Variants in MIR2052HG observed in about 807,000 individuals in gnomAD.
MIR2052HG encodes the protein MIR2052 host gene.
At chr8:74,737,864 T>A (rs933378175) in intron 4 of MIR2052HG, among the ~76,000 whole-genome samples, 8 of 152,204 alleles carry the variant, frequency 5.3e-5, no homozygotes, top group African/African-American at 1.9e-4. Context: ...TTTCTCCTAT[T>A]TTATTCAATT....
At chr8:74,681,885 C>T (rs1024982141) in intron 2 of MIR2052HG, among the ~76,000 whole-genome samples, 4 of 152,062 alleles carry the variant, frequency 2.6e-5, no homozygotes, top group Non-Finnish European at 5.9e-5. Flanking sequence ...GAAACAGACC[C>T]ATAAGTACAT....
intron 2 of MIR2052HG, among the ~76,000 whole-genome samples, chr8:74,672,084 T>C (rs11989842): frequency 0.023 from 3,571 of 152,256 alleles, 142 homozygotes; most frequent in African/African-American, 0.081. Flanking sequence ...ATTGGCAGAA[T>C]ATGGCTACCC....
chr8:74,693,931 C>T (rs188415091), intron 2 of MIR2052HG, among the ~76,000 whole-genome samples: 1 of 152,220 alleles, frequency 6.6e-6, no homozygotes, highest in East Asian at 1.9e-4. Context: ...TATGGCCCTG[C>T]CCACCAACTG....
At chr8:74,662,860 G>T (rs1465861838) in intron 2 of MIR2052HG, among the ~76,000 whole-genome samples, 3 of 61,046 alleles carry the variant, frequency 4.9e-5, no homozygotes, top group South Asian at 5.3e-4. Flanking sequence ...TGACTCATTT[G>T]TGTGTGTGTG....
At chr8:74,607,594 A>G (rs1321035973) in intron 1 of MIR2052HG, among the ~76,000 whole-genome samples, 2 of 152,182 alleles carry the variant, frequency 1.3e-5, no homozygotes, top group Non-Finnish European at 2.9e-5. Context: ...CCTGGGTGAC[A>G]AGAGTCAAAC....
At chr8:74,684,900 G>T (rs1809163561) in intron 2 of MIR2052HG, among the ~76,000 whole-genome samples, 1 of 152,130 alleles carries the variant, frequency 6.6e-6, no homozygotes, top group South Asian at 2.1e-4. Context: ...TGATGAATTT[G>T]TGGTCTAATG....
intron 4 of MIR2052HG, among the ~76,000 whole-genome samples, chr8:74,743,798 A>G (rs376823776): frequency 1.1e-4 from 16 of 152,222 alleles, no homozygotes; most frequent in South Asian, 1.0e-3. Context: ...GCCCCAAACC[A>G]TTATTTCATA....
chr8:74,603,316 G>T, intron 1 of MIR2052HG: 1 of 1,604,426 alleles, frequency 6.2e-7, no homozygotes, highest in Non-Finnish European at 8.5e-7. Context: ...ACCCGTCTCC[G>T]AGGAAAGCCT....
At chr8:74,704,570 C>T (rs1262228121) in intron 4 of MIR2052HG, among the ~76,000 whole-genome samples, 1 of 152,026 alleles carries the variant, frequency 6.6e-6, no homozygotes, top group African/African-American at 2.4e-5. Context: ...CTGATGCCTA[C>T]AGGCCTCTCT....
chr8:74,640,467 CAAAAAAAAAAA>C (rs35779504), intron 2 of MIR2052HG, among the ~76,000 whole-genome samples: 1 of 83,588 alleles, frequency 1.2e-5, no homozygotes, highest in African/African-American at 4.8e-5. Flanking sequence ...GACTCCGTCT[CAAAAAAAAAAA>C]AAAAAAAAAA....
At chr8:74,628,917 G>C (rs1312458754) in intron 2 of MIR2052HG, 1 of 151,986 alleles carries the variant, frequency 6.6e-6, no homozygotes, top group Non-Finnish European at 1.5e-5. Context: ...TATCTTGTTT[G>C]ATGGCATAGA....
chr8:74,745,137 A>G (rs1189009861), intron 4 of MIR2052HG, among the ~76,000 whole-genome samples: 1 of 152,046 alleles, frequency 6.6e-6, no homozygotes, highest in Non-Finnish European at 1.5e-5. Flanking sequence ...AGGTGTGGTC[A>G]GGAGCCTGTA....
intron 4 of MIR2052HG, among the ~76,000 whole-genome samples, chr8:74,740,763 G>A (rs532985163): frequency 5.3e-5 from 8 of 152,240 alleles, no homozygotes; most frequent in Admixed American, 2.6e-4. Context: ...TAGAAAAATC[G>A]TCTTATTGCT....
chr8:74,603,232 TGG>T, intron 1 of MIR2052HG: 1 of 1,274,830 alleles, frequency 7.8e-7, no homozygotes, highest in East Asian at 2.3e-5. Context: ...ACTACACAGA[TGG>T]ATCATGGGTG....
At chr8:74,740,972 G>C (rs1324541402) in intron 4 of MIR2052HG, among the ~76,000 whole-genome samples, 1 of 152,162 alleles carries the variant, frequency 6.6e-6, no homozygotes, top group Non-Finnish European at 1.5e-5. Context: ...TAAAATTGCT[G>C]TAAATGCTGA....
chr8:74,688,897 T>C (rs903428039), intron 2 of MIR2052HG, among the ~76,000 whole-genome samples: 1 of 152,122 alleles, frequency 6.6e-6, no homozygotes, highest in African/African-American at 2.4e-5. Flanking sequence ...CACTTATGAG[T>C]GAGAACATAA....
At chr8:74,606,870 C>T (rs1044159297) in intron 1 of MIR2052HG, among the ~76,000 whole-genome samples, 11 of 151,482 alleles carry the variant, frequency 7.3e-5, no homozygotes. Flanking sequence ...ATTAAAAGAA[C>T]ACAACAAAAA....
Position 74,695,134 on chromosome 8 carries a change from A to C in MIR2052HG, n.217-7245A>C, listed in dbSNP as rs1181354811. 8.5e-5 allele frequency among the ~76,000 whole-genome samples: 13 copies of C among 152,212 alleles called. 1 individual carries two copies. The highest frequency in any genetic ancestry group is 8.5e-4 in the Admixed American group (13 of 15,282). On this transcript the variant is annotated intron_variant and non_coding_transcript_variant, in intron 2 of 6. Transcript: ENST00000523442. ...TCAGCAGAAACCTTACAAGCTGGAA[A>C]GGATTTGTGCCCTATCTTTAGCTTC...
At chr8:74,603,480 T>G in intron 1 of MIR2052HG, 1 of 1,596,630 alleles carries the variant, frequency 6.3e-7, no homozygotes, top group Non-Finnish European at 8.6e-7. Context: ...GACGCCCGAT[T>G]ATGCAGCCAA....
Sources: allele counts gnomAD v4.1 joint callset (sites outside exome capture counted in the v4.1 genomes callset), GRCh38; gene constraint gnomAD v4.1.1; transcripts MANE v1.5; gene names NCBI Gene and HGNC (gene_info 2026-07-23, HGNC 2026-07-21).